MED6: variants seen among roughly 807,000 people sequenced by gnomAD.
The protein encoded by MED6 is mediator of RNA polymerase II transcription subunit 6.
MED6 carries 33 observed loss-of-function variants against 37.5 expected under a neutral mutation model. The ratio of observed to expected loss-of-function variants is 0.88; its 90% CI spans 0.67 to 1.18. The LOEUF (loss-of-function observed/expected upper bound fraction) is 1.18, where lower values mean the gene tolerates loss of function less well. MED6 is among the 50% of genes most tolerant of loss of function. The pLI is 0.00. For missense variants in MED6, 235 were observed against 290.6 expected, an observed-to-expected ratio of 0.81 and a Z score of 1.39; for synonymous variants, 94 against 93.6, an observed-to-expected ratio of 1.00 and a Z score of -0.02.
Position 70,584,447 on chromosome 14 carries a change from C to A in MED6, c.*366G>T. The A allele has an allele frequency of 3.0e-6, 1 of 336,778 alleles. No homozygotes were observed. The highest frequency in any genetic ancestry group is 5.4e-6 in the Non-Finnish European group (1 of 185,600). The allele number at this position is 336,778 out of a possible 1,614,324, so 20.9% of individuals were successfully genotyped here. A position where few individuals can be genotyped will look rare whatever the true frequency, so the allele number is the denominator to read the frequency against. On this transcript the variant is annotated 3_prime_UTR_variant, in exon 8 of 8. Transcript: ENST00000256379. Reference sequence around the variant, plus strand: ...TGGAGTGCAACAGCATGATAATCAGCTCAGGGCAACCTCCACCTCCCGGGT... The same window carrying A: ...TGGAGTGCAACAGCATGATAATCAGATCAGGGCAACCTCCACCTCCCGGGT...
At chr14:70,585,981 C>G (rs936483670) in intron 6 of MED6, among the ~76,000 whole-genome samples, 198 bp from the exon 7 acceptor site, 1 of 152,118 alleles carries the variant, frequency 6.6e-6, no homozygotes, top group Non-Finnish European at 1.5e-5. Context: ...TTCTTATTCC[C>G]CATTCCAGAA....
At chr14:70,594,802 A>C in intron 3 of MED6, 1 of 602,202 alleles carries the variant, frequency 1.7e-6, no homozygotes, top group East Asian at 3.4e-5. Context: ...AGACCATGCA[A>C]AGCCTGAACC....
chr14:70,595,862 G>T (rs1595053608), intron 3 of MED6: 1 of 632,740 alleles, frequency 1.6e-6, no homozygotes, highest in East Asian at 3.0e-5. Context: ...TGAGGAGCAG[G>T]AGGCCAATAA....
chr14:70,599,233 T>A (rs1320165380), intron 1 of MED6, among the ~76,000 whole-genome samples: 1 of 152,118 alleles, frequency 6.6e-6, no homozygotes, highest in African/African-American at 2.4e-5. Flanking sequence ...CGAGAAAAAT[T>A]ATATAAAGGT....
Position 70,584,661 on chromosome 14 carries a change from C to A in MED6, c.*152G>T. ...AAAGTGCTGGGATTACAGGCGTGAG[C>A]CACCACATCCGGCCTAATATCCTTT... On this transcript the variant is annotated 3_prime_UTR_variant, in exon 8 of 8. Transcript: ENST00000256379. The A allele has an allele frequency of 9.9e-7, 1 of 1,014,874 alleles. No individual in the cohort carries two copies. The highest frequency in any genetic ancestry group is 2.7e-5 in the East Asian group (1 of 37,388). 62.9% of individuals were successfully genotyped at this position (1,014,874 alleles called of 1,614,324 possible). A position where few individuals can be genotyped will look rare whatever the true frequency, so the allele number is the denominator to read the frequency against.
chr14:70,594,975 G>A (rs746424977), intron 3 of MED6: 22 of 596,072 alleles, frequency 3.7e-5, no homozygotes, highest in Non-Finnish European at 7.3e-5. Flanking sequence ...TGAGGGCTCA[G>A]ATCTTCTCAA....
rs1026572834 is a variant in MED6 at position 70,589,188 on chromosome 14, C to A, written c.582+2078G>T. ...ACCTAGTCTAATTCTAGGCCTAAAA[C>A]CACAGAATCACCCTTTGTCCAATCT... On this transcript the variant is annotated intron_variant, in intron 6 of 7. Transcript: ENST00000256379. 5.3e-5 allele frequency among the ~76,000 whole-genome samples: 8 copies of A among 152,308 alleles called. No individual in the cohort carries two copies. In the South Asian group the frequency reaches 8.3e-4, roughly 16 times the overall value.
intron 6 of MED6, among the ~76,000 whole-genome samples, chr14:70,588,158 T>C (rs1403436500): frequency 6.6e-6 from 1 of 152,092 alleles, no homozygotes; most frequent in African/African-American, 2.4e-5. Flanking sequence ...GCTGGAAAAA[T>C]TTTTGTTAGG....
intron 5 of MED6, 24 bp downstream of exon 5, chr14:70,592,856 G>C (rs1884922325): frequency 6.2e-7 from 1 of 1,611,132 alleles, no homozygotes; most frequent in African/African-American, 1.3e-5. Context: ...AAGTGTTTTA[G>C]GAGGGTATGG....
rs996074594 is a variant in MED6, at chr14:70,586,201, T to C, written c.583-418A>G. On this transcript the variant is annotated intron_variant, in intron 6 of 7. Transcript: ENST00000256379. ...ACTTATGGGAAGGGAGAATGAAGTATGGATGAACCATGACTTTTAAAGTTG... is the reference window on the plus strand; with the variant it reads ...ACTTATGGGAAGGGAGAATGAAGTACGGATGAACCATGACTTTTAAAGTTG... 2.0e-5 allele frequency among the ~76,000 whole-genome samples: 3 copies of C among 152,212 alleles called. No homozygotes were observed. In the East Asian group the frequency reaches 5.8e-4, roughly 29 times the overall value.
At chr14:70,600,345 G>T (rs1399299452) in intron 1 of MED6, among the ~76,000 whole-genome samples, 3 of 151,698 alleles carry the variant, frequency 2.0e-5, no homozygotes, top group Non-Finnish European at 2.9e-5. Flanking sequence ...AGAGATACGT[G>T]TGTAGAACAA....
At chr14:70,597,549 C>A in intron 2 of MED6, 69 bp downstream of exon 2, 1 of 1,318,196 alleles carries the variant, frequency 7.6e-7, no homozygotes. Flanking sequence ...TCATGATCCA[C>A]AGTTTGAAAG....
chr14:70,586,775 G>A (rs998091779), intron 6 of MED6, among the ~76,000 whole-genome samples: 4 of 152,136 alleles, frequency 2.6e-5, no homozygotes, highest in Non-Finnish European at 1.5e-5. Context: ...CCAACTGCAA[G>A]TCCTGGGAAT....
chr14:70,599,288 A>G (rs570108154), intron 1 of MED6, among the ~76,000 whole-genome samples: 1 of 152,348 alleles, frequency 6.6e-6, no homozygotes, highest in South Asian at 2.1e-4. Context: ...AGACAGATGA[A>G]GTGCGTTAAT....
Position 70,584,488 on chromosome 14 carries a change from G to A in MED6, c.*325C>T, listed in dbSNP as rs545662832. On this transcript the variant is annotated 3_prime_UTR_variant, in exon 8 of 8. Coordinates refer to ENST00000256379, the MANE Select transcript of MED6 (RefSeq NM_005466.4). Reference sequence around the variant, plus strand: ...CCTCCCGGGTTCAAGCAAGTCTCCTGTCTCAGCCTCCCGAGTAGCTGGGAC... The same window carrying A: ...CCTCCCGGGTTCAAGCAAGTCTCCTATCTCAGCCTCCCGAGTAGCTGGGAC... 362 of 310,610 alleles carry A rather than the reference G, an allele frequency of 1.2e-3. No individual in the cohort carries two copies. Among genetic ancestry groups the A allele is most frequent in the Non-Finnish European group, 1.8e-3 (313 of 169,894 alleles). The allele number at this position is 310,610 out of a possible 1,614,324, so 19.2% of individuals were successfully genotyped here. A position where few individuals can be genotyped will look rare whatever the true frequency, so the allele number is the denominator to read the frequency against.
intron 6 of MED6, among the ~76,000 whole-genome samples, chr14:70,590,168 G>A (rs1041768320): frequency 6.6e-5 from 10 of 152,086 alleles, no homozygotes; most frequent in Non-Finnish European, 1.2e-4. Context: ...CATGTGCCTC[G>A]TGGTTACCAT....
rs1884657365 is a variant in MED6 at position 70,584,871 on chromosome 14, T to C, written c.683A>G (p.Asn228Ser). ...VKPEEKETTKNVQQTVSAKGP... is the reference protein window; with the variant it reads ...VKPEEKETTKSVQQTVSAKGP... ...TTTAGCACTCACTGTCTGTTGTACA[T>C]TCTTTGTGGTCTCCTTCTCCTCAGG... Residue 228 changes from asparagine (N) to serine (S), a missense_variant, in exon 8 of 8, where the codon AAT (asparagine) becomes AGT (serine). Physicochemically the swap from Asn to Ser is conservative, Grantham distance 46. Coordinates refer to ENST00000256379, the MANE Select transcript of MED6 (RefSeq NM_005466.4). The C allele has an allele frequency of 1.1e-5, 18 of 1,614,200 alleles. No individual in the cohort carries two copies. The highest frequency in any genetic ancestry group is 1.5e-5 in the Non-Finnish European group (18 of 1,180,020).
At position 70,584,684 on chromosome 14, in the gene MED6, T is replaced by C. The variant is rs1272400164; in HGVS notation, c.*129A>G. On this transcript the variant is annotated 3_prime_UTR_variant, in exon 8 of 8. Transcript: ENST00000256379. ...AGCCACCACATCCGGCCTAATATCC[T>C]TTCAAAAAATAAGCGCATTCCATAC... 9.5e-6 allele frequency: 12 copies of C among 1,263,448 alleles called. No homozygotes were observed. The highest frequency in any genetic ancestry group is 1.3e-5 in the Non-Finnish European group (12 of 920,726). The allele number at this position is 1,263,448 out of a possible 1,614,324, so 78.3% of individuals were successfully genotyped here.
chr14:70,596,833 A>G lies in MED6; in HGVS notation c.183-131T>C, dbSNP rs565625896. On this transcript the variant is annotated intron_variant, in intron 2 of 7. Coordinates refer to ENST00000256379, the MANE Select transcript of MED6 (RefSeq NM_005466.4). The stretch of plus-strand genomic sequence containing the variant: ...TAAAACTGCCTATGTTTGGTGTTAT[A>G]ATCTGGCTGTTGAGTAAAATTGGCT... The G allele has an allele frequency of 9.6e-6, 6 of 625,698 alleles. No individual in the cohort carries two copies. The African/African-American group carries it at 1.1e-4, about 11-fold the overall frequency. 38.8% of individuals were successfully genotyped at this position (625,698 alleles called of 1,614,324 possible).
Sources: allele counts gnomAD v4.1 joint callset (sites outside exome capture counted in the v4.1 genomes callset), GRCh38; gene constraint gnomAD v4.1.1; transcripts MANE v1.5; gene names NCBI Gene and HGNC (gene_info 2026-07-23, HGNC 2026-07-21).